The following EXOSC10 variants were observed in gnomAD, a reference collection of about 807,000 sequenced individuals.
EXOSC10 encodes the protein exosome complex component 10.
A neutral mutation model predicts 126.6 loss-of-function variants in EXOSC10; 94 were observed. The observed-to-expected ratio is 0.74, with a 90% CI of 0.63 to 0.88. EXOSC10 has a LOEUF of 0.88. Ranked by LOEUF, EXOSC10 falls within the 40% of genes least tolerant of loss-of-function variation. The probability of loss-of-function intolerance (pLI) is 0.00; values close to 1 mark genes in which losing one functional copy is unlikely to be tolerated. For synonymous variants in EXOSC10, 395 were observed against 400.8 expected, an observed-to-expected ratio of 0.99 and a Z score of 0.17; for missense variants, 1,041 against 1,100.5, an observed-to-expected ratio of 0.95 and a Z score of 0.77.
chr1:11,069,829 G>A (rs1040485347), intron 21 of EXOSC10, 99 bp from the exon 22 acceptor site: 1 of 1,304,706 alleles, frequency 7.7e-7, no homozygotes, highest in African/African-American at 1.5e-5. Flanking sequence ...CTGCCTAAGT[G>A]GTAAGAAGAA....
chr1:11,094,369 A>G (rs1640955583), intron 3 of EXOSC10, among the ~76,000 whole-genome samples: 1 of 150,278 alleles, frequency 6.7e-6, no homozygotes, highest in African/African-American at 2.5e-5. Flanking sequence ...ATCTTGGCTC[A>G]CTGCAACCTC....
chr1:11,067,916 C>A, intron 24 of EXOSC10, 92 bp downstream of exon 24: 1 of 1,107,004 alleles, frequency 9.0e-7, no homozygotes, highest in Non-Finnish European at 1.3e-6. Flanking sequence ...CCCCTGGACA[C>A]TCGCTCCCCA....
chr1:11,078,187 C>G (rs1182998215), intron 14 of EXOSC10, among the ~76,000 whole-genome samples: 1 of 152,112 alleles, frequency 6.6e-6, no homozygotes, highest in East Asian at 1.9e-4. Context: ...AGGTGGGAGC[C>G]TAGCAGATGC....
chr1:11,066,782 C>G, intron 24 of EXOSC10, 34 bp from the exon 25 acceptor site: 2 of 1,613,096 alleles, frequency 1.2e-6, no homozygotes, highest in Non-Finnish European at 1.7e-6. Flanking sequence ...GTTATTTCTT[C>G]CGGGCTGGTT....
intron 9 of EXOSC10, among the ~76,000 whole-genome samples, chr1:11,083,601 G>GT (rs1274347978): frequency 1.4e-5 from 2 of 145,530 alleles, no homozygotes; most frequent in Non-Finnish European, 3.0e-5. Flanking sequence ...TATATGCAGG[G>GT]TTTTTTTTAA....
rs369320262 is a variant in EXOSC10 at position 11,070,913 on chromosome 1, C to T, written c.2303G>A (p.Arg768Gln). ...GCTGGCACATACCACGACCTGCTGT[C>T]GGACGGAGATGGCCTGTTCTGCTGC... ...KAAAEQAISV[R>Q]QQVVLENAAK... is the part of the protein sequence containing the mutation. The change falls in exon 21 of 25, where the codon CGA becomes CAA. Residue 768 changes from arginine (R) to glutamine (Q), a missense_variant. Arg to Gln is a conservative substitution (Grantham distance 43). Transcript: ENST00000376936. The T allele has an allele frequency of 8.2e-5, 132 of 1,613,872 alleles. No individual in the cohort carries two copies. The African/African-American group carries it at 1.3e-3, about 16-fold the overall frequency.
intron 17 of EXOSC10, among the ~76,000 whole-genome samples, chr1:11,075,882 A>AT (rs1557698747): frequency 1.4e-5 from 2 of 147,146 alleles, no homozygotes; most frequent in Non-Finnish European, 3.0e-5. Flanking sequence ...AAAAAAAAAA[A>AT]ATGCCGGGTG....
In EXOSC10 at chr1:11,077,671, G is replaced by C; in HGVS notation, c.1750-20C>G. ...TTCAGACTAAGGAAAAAAACGAAGG[G>C]AATTGAGGAAAGTTGCCCAAGCACC... On this transcript the variant is annotated intron_variant, in intron 14 of 24. Transcript: ENST00000376936. 1.3e-6 allele frequency: 2 copies of C among 1,598,818 alleles called. No individual in the cohort carries two copies. The highest frequency in any genetic ancestry group is 1.7e-6 in the Non-Finnish European group (2 of 1,168,954).
intron 4 of EXOSC10, 51 bp from the exon 5 acceptor site, chr1:11,091,230 G>C: frequency 6.5e-7 from 1 of 1,533,100 alleles, no homozygotes; most frequent in Non-Finnish European, 8.9e-7. Context: ...TGATGAATTA[G>C]AAAAGTAAAT....
At chr1:11,075,034 T>C (rs544933014) in intron 17 of EXOSC10, among the ~76,000 whole-genome samples, 2 of 152,158 alleles carry the variant, frequency 1.3e-5, no homozygotes, top group Admixed American at 1.3e-4. Context: ...ATTTTATGTA[T>C]GTATGTATTA....
chr1:11,075,478 C>T (rs1345851909), intron 17 of EXOSC10, among the ~76,000 whole-genome samples: 1 of 152,186 alleles, frequency 6.6e-6, no homozygotes, highest in Non-Finnish European at 1.5e-5. Flanking sequence ...CTCCTTTACA[C>T]CAAACAGCAC....
intron 1 of EXOSC10, among the ~76,000 whole-genome samples, chr1:11,098,558 A>C (rs1177872057): frequency 6.6e-6 from 1 of 152,194 alleles, no homozygotes; most frequent in East Asian, 1.9e-4. Context: ...AGAATGAATA[A>C]GCTAATAAAA....
chr1:11,088,090 C>G, intron 7 of EXOSC10, 33 bp downstream of exon 7: 1 of 1,558,650 alleles, frequency 6.4e-7, no homozygotes, highest in Non-Finnish European at 8.8e-7. Flanking sequence ...TGGGCTACTA[C>G]ACGGCACCTT....
chr1:11,089,541 A>C (rs1210267329), intron 6 of EXOSC10, among the ~76,000 whole-genome samples: 2 of 151,672 alleles, frequency 1.3e-5, no homozygotes, highest in African/African-American at 4.8e-5. Flanking sequence ...GAATCATTTG[A>C]ACTCAGGAGG....
chr1:11,095,225 A>C (rs1157362948), intron 3 of EXOSC10, among the ~76,000 whole-genome samples: 1 of 151,618 alleles, frequency 6.6e-6, no homozygotes, highest in Non-Finnish European at 1.5e-5. Flanking sequence ...AAAAAAAAAA[A>C]AAAAGAAGCT....
At chr1:11,077,529 C>G in intron 15 of EXOSC10, 72 bp downstream of exon 15, 2 of 1,604,404 alleles carry the variant, frequency 1.2e-6, no homozygotes, top group Admixed American at 3.3e-5. Flanking sequence ...AGGCCTCTGT[C>G]AGAGGTGTAC....
Position 11,072,161 on chromosome 1 carries a change from C to T in EXOSC10, c.2168G>A (p.Arg723His), listed in dbSNP as rs764823141. Residue 723 changes from arginine to histidine, a missense_variant, in exon 20 of 25, where the codon CGC becomes CAC. Around this residue, in one of 3 missense-constraint regions of EXOSC10, gnomAD observed 388 missense variants for 415.2 expected, o/e 0.93. Coordinates refer to ENST00000376936, the MANE Select transcript of EXOSC10 (RefSeq NM_001001998.3). ...PSTKIYEISN[R>H]WKLAQVQVQK... ...TACTTGTACCTGGGCCAGCTTCCAG[C>T]GGTTGCTGATCTATAATGAAAGCAA... 2.0e-5 allele frequency: 32 copies of T among 1,611,482 alleles called. No individual in the cohort carries two copies. The highest frequency in any genetic ancestry group is 4.0e-5 in the African/African-American group (3 of 74,812).
chr1:11,090,590 A>C lies in EXOSC10; in HGVS notation c.722T>G (p.Ile241Ser). The C allele has an allele frequency of 1.2e-6, 2 of 1,614,130 alleles. No individual in the cohort carries two copies. Among genetic ancestry groups the C allele is most frequent in the Non-Finnish European group, 1.7e-6 (2 of 1,180,014 alleles). Residue 241 changes from isoleucine to serine, a missense_variant, in exon 6 of 25, where the codon ATC (isoleucine) becomes AGC (serine). Ile to Ser is a moderately radical substitution (Grantham distance 142, BLOSUM62 -2). This residue lies in a region of EXOSC10 where 645 missense variants were observed against 656.3 expected (regional missense o/e 0.98). Coordinates refer to ENST00000376936, the MANE Select transcript of EXOSC10 (RefSeq NM_001001998.3). ...LDVPPALADF[I>S]HQQRTQQVEQ... ...AACCTGCTGGGTTCTCTGCTGATGG[A>C]TGAAATCAGCCAGTGCAGGGGGGAC...
chr1:11,084,609 G>A (rs1160360866), intron 9 of EXOSC10, among the ~76,000 whole-genome samples: 1 of 152,128 alleles, frequency 6.6e-6, no homozygotes, highest in Admixed American at 6.6e-5. Context: ...CTTTTGCTGT[G>A]CAGAAGCTCT....
Sources: allele counts gnomAD v4.1 joint callset (sites outside exome capture counted in the v4.1 genomes callset), GRCh38; gene constraint gnomAD v4.1.1; regional missense constraint gnomAD v4.1.1; transcripts MANE v1.5; gene names NCBI Gene and HGNC (gene_info 2026-07-23, HGNC 2026-07-21).